RP1: variants seen among roughly 807,000 people sequenced by gnomAD.
RP1 encodes the protein oxygen-regulated protein 1.
In RP1, 16 loss-of-function variants were observed where a neutral mutation model predicts 14.8. That is an observed-to-expected ratio of 1.08 (90% CI 0.73 to 1.65). The LOEUF (loss-of-function observed/expected upper bound fraction) is 1.65. Among genes scored for constraint, RP1 ranks in the 40% most tolerant of loss-of-function variants. The pLI is 0.00. For synonymous variants in RP1, 876 were observed against 883.6 expected (o/e 0.99, Z 0.15); for missense variants, 2,631 against 2,535.0 (o/e 1.04, Z -0.81).
At chr8:54,737,931 A>C (rs1808975514) in intron 18 of RP1, among the ~76,000 whole-genome samples, 1 of 152,140 alleles carries the variant, frequency 6.6e-6, no homozygotes, top group South Asian at 2.1e-4. Context: ...CCTGTAGTAG[A>C]AATAATAACA....
rs374324782 is a variant in RP1 at position 54,702,316 on chromosome 8, G to A, written c.1998+654G>A. Among the ~76,000 whole-genome samples the A allele has an allele frequency of 4.5e-3, 686 of 152,186 alleles. 5 individuals carry two copies. The highest frequency in any genetic ancestry group is 0.016 in the African/African-American group (647 of 41,526). ...GTCTACTTATATTTAAAACCTCAAA[G>A]ATATTGTAGGTTCATTTCTAGACCA... On this transcript the variant is annotated intron_variant, in intron 14 of 22. Coordinates refer to the RP1 transcript ENST00000636932.
Position 54,627,747 on chromosome 8 carries a change from G to T in RP1, c.3865G>T (p.Asp1289Tyr). 1 of 1,614,102 alleles carries T rather than the reference G, an allele frequency of 6.2e-7. No individual in the cohort carries two copies. The highest frequency in any genetic ancestry group is 8.5e-7 in the Non-Finnish European group (1 of 1,179,960). The change falls in exon 4 of 4, where the codon GAT (aspartate) becomes TAT (tyrosine). Residue 1289 changes from aspartate (D) to tyrosine (Y), a missense_variant. Asp to Tyr is a radical substitution (Grantham distance 160, BLOSUM62 -3). Coordinates refer to ENST00000220676, the MANE Select transcript of RP1 (RefSeq NM_006269.2). ...TFFPSDGYGV[D>Y]QTSMNKACFL... is the part of the protein sequence containing the mutation. The stretch of plus-strand genomic sequence containing the variant: ...TTTTCCTAGTGATGGTTATGGTGTG[G>T]ATCAGACTTCTATGAATAAGGCTTG...
rs1418856610 is a variant in RP1 at position 54,607,558 on chromosome 8, C to G, written c.-12-13397C>G. Among the ~76,000 whole-genome samples, 3 of 152,302 alleles carry G rather than the reference C, an allele frequency of 2.0e-5. No individual in the cohort carries two copies. The East Asian group carries it at 5.8e-4, about 29-fold the overall frequency. ...CAGTTGCATGCTGGGAGAACCACTA[C>G]TCTCTTCCAAGCTTTCAGACAGGGA... On this transcript the variant is annotated intron_variant, in intron 1 of 22. Coordinates refer to the RP1 transcript ENST00000636932.
chr8:54,859,593 G>A (rs1262197386), intron 27 of RP1, among the ~76,000 whole-genome samples: 1 of 151,442 alleles, frequency 6.6e-6, no homozygotes, highest in Non-Finnish European at 1.5e-5. Context: ...CTGTAGGGTG[G>A]TGTCACTGTA....
At chr8:54,591,079 T>A (rs1266857186) in intron 1 of RP1, among the ~76,000 whole-genome samples, 1 of 152,236 alleles carries the variant, frequency 6.6e-6, no homozygotes, top group Non-Finnish European at 1.5e-5. Flanking sequence ...ACACCTCATG[T>A]AAGCCACCAT....
chr8:54,567,869 G>T (rs1378521764), intron 1 of RP1, among the ~76,000 whole-genome samples: 1 of 152,144 alleles, frequency 6.6e-6, no homozygotes, highest in African/African-American at 2.4e-5. Context: ...AGGGGGATTT[G>T]TCTGTAGCCT....
chr8:54,815,151 T>G (rs932381421), intron 24 of RP1, among the ~76,000 whole-genome samples: 2 of 152,260 alleles, frequency 1.3e-5, no homozygotes, highest in Non-Finnish European at 2.9e-5. Flanking sequence ...GTTTCATTTT[T>G]AAGTTAAAAT....
chr8:54,571,457 C>G (rs2129293225), intron 1 of RP1, among the ~76,000 whole-genome samples: 1 of 152,292 alleles, frequency 6.6e-6, no homozygotes, highest in South Asian at 2.1e-4. Context: ...CCCCTCCTTC[C>G]CATGACCACA....
chr8:54,586,665 CT>C (rs1804933017), intron 1 of RP1, among the ~76,000 whole-genome samples: 1 of 152,184 alleles, frequency 6.6e-6, no homozygotes, highest in Non-Finnish European at 1.5e-5. Flanking sequence ...TTCCTGGCTG[CT>C]TTTTTACCTA....
chr8:54,592,148 T>G (rs1352216829), intron 1 of RP1, among the ~76,000 whole-genome samples: 1 of 152,256 alleles, frequency 6.6e-6, no homozygotes, highest in Non-Finnish European at 1.5e-5. Flanking sequence ...TCTTACAATT[T>G]GAATCCCTTT....
chr8:54,729,438 A>C (rs975768615), intron 17 of RP1, among the ~76,000 whole-genome samples: 1 of 152,344 alleles, frequency 6.6e-6, no homozygotes, highest in Middle Eastern at 3.4e-3. Flanking sequence ...GGCAGAAAAA[A>C]AATCTATTAT....
intron 3 of RP1, among the ~76,000 whole-genome samples, chr8:54,640,251 C>A (rs1806428951): frequency 1.3e-5 from 2 of 151,866 alleles, no homozygotes; most frequent in African/African-American, 4.8e-5. Context: ...AAAGGATAGT[C>A]TTTTGTCAAA....
chr8:54,741,480 G>A (rs1436908045), intron 19 of RP1, among the ~76,000 whole-genome samples: 32 of 151,846 alleles, frequency 2.1e-4, no homozygotes, highest in Non-Finnish European at 2.9e-5. Context: ...ATGCTACACA[G>A]GTGTGTAGCC....
chr8:54,676,300 G>T (rs1295571687), intron 8 of RP1, among the ~76,000 whole-genome samples: 2 of 152,196 alleles, frequency 1.3e-5, no homozygotes, highest in African/African-American at 2.4e-5. Flanking sequence ...TAGGTTGGCT[G>T]TTGATTTGAT....
intron 3 of RP1, among the ~76,000 whole-genome samples, chr8:54,642,907 C>G (rs1394988592): frequency 2.0e-5 from 3 of 152,024 alleles, no homozygotes; most frequent in Non-Finnish European, 4.4e-5. Context: ...TTTTGTCACT[C>G]TGATAGATGA....
chr8:54,682,626 T>A (rs936678246), intron 12 of RP1, among the ~76,000 whole-genome samples: 7 of 152,036 alleles, frequency 4.6e-5, no homozygotes, highest in Admixed American at 6.6e-5. Context: ...TACATTTCTT[T>A]AATTTACATT....
At position 54,630,815 on chromosome 8, in the gene RP1, C is replaced by T. The variant is rs754836278; in HGVS notation, c.*462C>T. 113 of 997,740 alleles carry T rather than the reference C, an allele frequency of 1.1e-4. No individual in the cohort carries two copies. The highest frequency in any genetic ancestry group is 5.1e-4 in the Middle Eastern group (1 of 1,946). The allele number at this position is 997,740 out of a possible 1,614,324, so 61.8% of individuals were successfully genotyped here. On this transcript the variant is annotated 3_prime_UTR_variant, in exon 4 of 4. Coordinates refer to ENST00000220676, the MANE Select transcript of RP1 (RefSeq NM_006269.2). ...AAAAAGTATGATTATAAGATATCCA[C>T]GACAATCTCATAGTTTCTTGTGCCA...
chr8:54,562,574 C>T (rs1182454155), intron 1 of RP1, among the ~76,000 whole-genome samples: 7 of 151,210 alleles, frequency 4.6e-5, no homozygotes, highest in African/African-American at 7.3e-5. Context: ...CTCAGGAGGC[C>T]GAAGCAGAAG....
In RP1 at chr8:54,589,612, T is replaced by C. The variant is rs550196851; in HGVS notation, c.-13+30292T>C. 7.9e-5 allele frequency among the ~76,000 whole-genome samples: 12 copies of C among 152,324 alleles called. No homozygotes were observed. In the East Asian group the frequency reaches 1.7e-3, roughly 22 times the overall value. The stretch of plus-strand genomic sequence containing the variant: ...GATCTTATTCCTAATCATGTGACTG[T>C]TAAGTCTGCACTTTGCTGGCCCTCC... On this transcript the variant is annotated intron_variant, in intron 1 of 22. Transcript: ENST00000636932.
Sources: gnomAD v4.1 joint callset for allele counts (sites outside exome capture counted in the v4.1 genomes callset) on GRCh38, gnomAD v4.1.1 for gene constraint, MANE v1.5 for transcripts, NCBI Gene and HGNC (gene_info 2026-07-23, HGNC 2026-07-21) for gene names.